Variants in ENOX1 observed in about 807,000 individuals in gnomAD.
The protein encoded by ENOX1 is ecto-NOX disulfide-thiol exchanger 1.
In ENOX1, 42 loss-of-function variants were observed where a neutral mutation model predicts 82.5. The ratio of observed to expected loss-of-function variants is 0.51; its 90% CI spans 0.40 to 0.66. The LOEUF (loss-of-function observed/expected upper bound fraction) is 0.66, where lower values mean the gene tolerates loss of function less well. Among genes scored for constraint, ENOX1 ranks in the 30% least tolerant of loss-of-function variants. The pLI, the probability that ENOX1 is intolerant of heterozygous loss-of-function variation, is 0.00. For missense variants in ENOX1, 608 were observed against 811.6 expected (o/e 0.75, Z 3.05); for synonymous variants, 271 against 282.2 (o/e 0.96, Z 0.40).
At chr13:43,705,176 C>T (rs376878575) in intron 1 of ENOX1, among the ~76,000 whole-genome samples, 2 of 151,502 alleles carry the variant, frequency 1.3e-5, no homozygotes, top group East Asian at 1.9e-4. Context: ...CAAAATTGCA[C>T]ACTTAAAAAC....
intron 2 of ENOX1, among the ~76,000 whole-genome samples, chr13:43,563,386 A>C (rs1271787129): frequency 1.3e-5 from 2 of 152,134 alleles, no homozygotes; most frequent in Non-Finnish European, 2.9e-5. Context: ...GTTACAGAGA[A>C]AACAGTTAGA....
At position 43,478,571 on chromosome 13, in the gene ENOX1, C is replaced by T. The variant is rs545798363; in HGVS notation, c.-75+5438G>A. Among the ~76,000 whole-genome samples the T allele has an allele frequency of 2.0e-4, 31 of 152,188 alleles. No homozygotes were observed. In the South Asian group the frequency reaches 3.3e-3, roughly 16 times the overall value. On this transcript the variant is annotated intron_variant, in intron 3 of 16. Coordinates refer to ENST00000690772, the MANE Select transcript of ENOX1 (RefSeq NM_001347969.2). ...TGAAAGTCTTTTGATATTATTTTTT[C>T]TATTCCCATAAATGTAGCCTTTTCA...
chr13:43,777,738 C>T (rs990760567), intron 1 of ENOX1, among the ~76,000 whole-genome samples: 51 of 151,558 alleles, frequency 3.4e-4, no homozygotes, highest in African/African-American at 1.1e-3. Flanking sequence ...TTAGTAGAGA[C>T]GGGGTTTCAC....
rs1489606362 is a variant in ENOX1, at chr13:43,214,057, G to A, written c.1865C>T (p.Thr622Met). The stretch of plus-strand genomic sequence containing the variant: ...TTTTTCCAGCGTGGCTCCCACACCC[G>A]TGAATTCCTGTTTGAACATGCGTGG... ...RLPRMFKQEF[T>M]GVGATLEKRW... The change falls in exon 17 of 17, where the codon ACG becomes ATG. Residue 622 changes from threonine (T) to methionine (M), a missense_variant. Transcript: ENST00000690772. 18 of 1,613,172 alleles carry A rather than the reference G, an allele frequency of 1.1e-5. No homozygotes were observed. The highest frequency in any genetic ancestry group is 3.3e-5 in the Admixed American group (2 of 59,910).
At chr13:43,577,985 TA>T (rs34256833) in intron 2 of ENOX1, among the ~76,000 whole-genome samples, 57,852 of 151,472 alleles carry the variant, frequency 0.38, 13,617 homozygotes, top group Non-Finnish European at 0.53. Flanking sequence ...GGAAACTATA[TA>T]AAAAAAAGGA....
At chr13:43,253,039 T>G (rs1442932848) in intron 14 of ENOX1, among the ~76,000 whole-genome samples, 1 of 152,212 alleles carries the variant, frequency 6.6e-6, no homozygotes, top group African/African-American at 2.4e-5. Context: ...AGACTGACAT[T>G]TGAGCTTTTT....
At chr13:43,578,970 A>G (rs542300660) in intron 2 of ENOX1, among the ~76,000 whole-genome samples, 1 of 152,200 alleles carries the variant, frequency 6.6e-6, no homozygotes, top group Non-Finnish European at 1.5e-5. Flanking sequence ...GGGACCAGAA[A>G]TCATATTCCT....
chr13:43,616,574 C>T (rs1294529076), intron 2 of ENOX1, among the ~76,000 whole-genome samples: 1 of 151,958 alleles, frequency 6.6e-6, no homozygotes, highest in Non-Finnish European at 1.5e-5. Context: ...ATTCAAACTA[C>T]AAATGAAAAT....
At chr13:43,785,940 C>T (rs1447434721) in intron 1 of ENOX1, among the ~76,000 whole-genome samples, 1 of 151,794 alleles carries the variant, frequency 6.6e-6, no homozygotes, top group Non-Finnish European at 1.5e-5. Context: ...CGGCCGGCGT[C>T]CAGCGGCCGA....
At chr13:43,304,742 G>A (rs1296303348) in intron 11 of ENOX1, among the ~76,000 whole-genome samples, 5 of 152,156 alleles carry the variant, frequency 3.3e-5, no homozygotes, top group African/African-American at 1.2e-4. Context: ...TCTGCCCTGT[G>A]TCCCTCTCCT....
At chr13:43,529,806 A>T (rs1343032266) in intron 2 of ENOX1, among the ~76,000 whole-genome samples, 1 of 152,072 alleles carries the variant, frequency 6.6e-6, no homozygotes, top group African/African-American at 2.4e-5. Context: ...AACTTTCCTA[A>T]ATGATACTAT....
chr13:43,543,946 T>C (rs1304534747), intron 2 of ENOX1: 1 of 134,572 alleles, frequency 7.4e-6, no homozygotes, highest in Non-Finnish European at 1.6e-5. Flanking sequence ...ATATGTAGTC[T>C]CACTCTGTCT....
chr13:43,766,746 G>A (rs950144628), intron 1 of ENOX1, among the ~76,000 whole-genome samples: 7 of 152,036 alleles, frequency 4.6e-5, no homozygotes, highest in South Asian at 2.1e-4. Context: ...GTCAAGCTAC[G>A]GACAGTCAAA....
At chr13:43,733,769 A>G (rs2089468890) in intron 1 of ENOX1, among the ~76,000 whole-genome samples, 1 of 152,190 alleles carries the variant, frequency 6.6e-6, no homozygotes, top group Non-Finnish European at 1.5e-5. Context: ...AGTACCTGTG[A>G]ATCTGACTTT....
intron 3 of ENOX1, among the ~76,000 whole-genome samples, chr13:43,438,952 T>G (rs9567190): frequency 0.095 from 14,425 of 152,196 alleles, 743 homozygotes; most frequent in East Asian, 0.24. Flanking sequence ...CTTCTTGAAA[T>G]TTTTGAAGAA....
At chr13:43,222,329 A>G (rs958456208) in intron 16 of ENOX1, among the ~76,000 whole-genome samples, 1 of 151,966 alleles carries the variant, frequency 6.6e-6, no homozygotes, top group Non-Finnish European at 1.5e-5. Context: ...GCCAGCCAAA[A>G]CAAATCAATT....
chr13:43,324,642 T>C (rs2048005050), intron 10 of ENOX1, among the ~76,000 whole-genome samples: 1 of 152,174 alleles, frequency 6.6e-6, no homozygotes, highest in Non-Finnish European at 1.5e-5. Flanking sequence ...GTGGGGAAAG[T>C]AGCAGGAAGG....
intron 3 of ENOX1, among the ~76,000 whole-genome samples, chr13:43,419,958 GA>G (rs922223155): frequency 6.6e-6 from 1 of 152,168 alleles, no homozygotes; most frequent in African/African-American, 2.4e-5. Flanking sequence ...GCAACAGAGT[GA>G]AACTCCATCT....
chr13:43,775,742 G>C (rs576856679), intron 1 of ENOX1, among the ~76,000 whole-genome samples: 1 of 151,958 alleles, frequency 6.6e-6, no homozygotes, highest in Non-Finnish European at 1.5e-5. Flanking sequence ...CTGCTAGGGG[G>C]GCCTACACGG....
Sources: gnomAD v4.1 joint callset for allele counts (sites outside exome capture counted in the v4.1 genomes callset) on GRCh38, gnomAD v4.1.1 for gene constraint, MANE v1.5 for transcripts, NCBI Gene and HGNC (gene_info 2026-07-23, HGNC 2026-07-21) for gene names.